Variants in NHSL2 observed in about 807,000 individuals in gnomAD.
NHSL2 encodes the protein NHS-like protein 2.
A neutral mutation model predicts 53.4 loss-of-function variants in NHSL2; 27 were observed. The observed-to-expected ratio is 0.51, with a 90% CI of 0.37 to 0.70. NHSL2 has a LOEUF of 0.70. Among genes scored for constraint, NHSL2 ranks in the 30% least tolerant of loss-of-function variants. The probability of loss-of-function intolerance (pLI) is 0.00; values close to 1 mark genes in which losing one functional copy is unlikely to be tolerated. For synonymous variants in NHSL2, 408 were observed against 404.1 expected, an observed-to-expected ratio of 1.01 and a Z score of -0.12; for missense variants, 892 against 980.1, an observed-to-expected ratio of 0.91 and a Z score of 1.20.
At chrX:72,056,796 G>A (rs780498696) in intron 1 of NHSL2, among the ~76,000 whole-genome samples, 2 of 112,863 alleles carry the variant, frequency 1.8e-5, no homozygotes, top group Admixed American at 9.3e-5. Flanking sequence ...CTCCAGCTGA[G>A]CCATCAGTGC....
rs1556312371 is a variant in NHSL2, at chrX:71,964,029, A to ATATATATATGTGTGTGTGTG, written c.280+52671_280+52672insGTGTGTGTGTGTATATATAT. Among the ~76,000 whole-genome samples the ATATATATATGTGTGTGTGTG allele has an allele frequency of 2.2e-3, 69 of 32,049 alleles. 2 individuals carry two copies. Among genetic ancestry groups the ATATATATATGTGTGTGTGTG allele is most frequent in the African/African-American group, 7.9e-3 (44 of 5,539 alleles). 27.8% of individuals were successfully genotyped at this position (32,049 alleles called of 115,157 possible). A position where few individuals can be genotyped will look rare whatever the true frequency, so the allele number is the denominator to read the frequency against. ...TATATATGTATATATATATATGTGT[A>ATATATATATGTGTGTGTGTG]TATATATATATATGTATATATATAT... On this transcript the variant is annotated intron_variant, in intron 1 of 7. Transcript: ENST00000633930.
chrX:72,086,996 G>A (rs772100600), intron 1 of NHSL2, among the ~76,000 whole-genome samples: 1 of 111,991 alleles, frequency 8.9e-6, no homozygotes. Context: ...GCACTGGGCT[G>A]TGAGAGGGCC....
In NHSL2 at chrX:72,143,294, C is replaced by T. The variant is rs1386597675; in HGVS notation, c.3398C>T (p.Ala1133Val). The stretch of plus-strand genomic sequence containing the variant: ...CTCGGCTGGAAGGAACCTGGTGAGG[C>T]CTTTGTGGGTGGCAGAACGAGTTCC... Reference protein sequence around the residue: ...KLLGWKEPGEAFVGGRTSSHS... With the variant: ...KLLGWKEPGEVFVGGRTSSHS... Residue 1133 changes from alanine to valine, a missense_variant, in exon 8 of 8, where the codon GCC becomes GTC. Ala to Val is a moderately conservative substitution (Grantham distance 64). Coordinates refer to ENST00000633930, the MANE Select transcript of NHSL2 (RefSeq NM_001013627.3). 4 of 1,163,737 alleles carry T rather than the reference C, an allele frequency of 3.4e-6. No individual in the cohort carries two copies. Among genetic ancestry groups the T allele is most frequent in the Non-Finnish European group, 4.6e-6 (4 of 871,414 alleles).
At chrX:72,131,418 G>C (rs1402016799) in intron 1 of NHSL2, 5 of 1,209,261 alleles carry the variant, frequency 4.1e-6, no homozygotes, top group Non-Finnish European at 5.6e-6. Flanking sequence ...AATTAACCTC[G>C]GCCAGGGCTC....
chrX:72,140,662 C>G lies in NHSL2; in HGVS notation c.3114C>G (p.Thr1038=). The G allele has an allele frequency of 8.3e-7, 1 of 1,211,613 alleles. No homozygotes were observed. The highest frequency in any genetic ancestry group is 1.1e-6 in the Non-Finnish European group (1 of 894,979). The part of the protein sequence containing the change: ...EPRLPLSPII[T]LEEDTKCPAT... Reference sequence around the variant, plus strand: ...GGCTGCCTCTCAGCCCCATCATCACCCTGGAGGAAGACACCAAGTGTCCCG... The same window carrying G: ...GGCTGCCTCTCAGCCCCATCATCACGCTGGAGGAAGACACCAAGTGTCCCG... Residue 1038 remains threonine, a synonymous_variant, in exon 6 of 8, where the codon ACC becomes ACG. Transcript: ENST00000633930.
chrX:72,077,643 C>T (rs907458015), intron 1 of NHSL2, among the ~76,000 whole-genome samples: 1 of 112,393 alleles, frequency 8.9e-6, no homozygotes, highest in African/African-American at 3.2e-5. Flanking sequence ...TGGAGTCTTC[C>T]CATCTCAAAT....
chrX:72,069,663 C>T (rs1022178245), intron 1 of NHSL2: 1 of 937,680 alleles, frequency 1.1e-6, no homozygotes, highest in Non-Finnish European at 1.3e-6. Context: ...GCGGCCGCCG[C>T]GGTGGCTGCC....
At position 72,123,863 on chromosome X, in the gene NHSL2, G is replaced by A. The variant is rs761961421; in HGVS notation, c.281-8216G>A. Among the ~76,000 whole-genome samples the A allele has an allele frequency of 1.5e-4, 16 of 110,186 alleles. 1 individual carries two copies. The highest frequency in any genetic ancestry group is 2.9e-4 in the Non-Finnish European group (15 of 52,560). On this transcript the variant is annotated intron_variant, in intron 1 of 7. Coordinates refer to ENST00000633930, the MANE Select transcript of NHSL2 (RefSeq NM_001013627.3). The stretch of plus-strand genomic sequence containing the variant: ...CATCAGGAGAGTTGCTGAGGCGAGG[G>A]GCCCCGCTCTACCCCATGTGTGGCA...
At chrX:71,952,580 T>C (rs1452518258) in intron 1 of NHSL2, among the ~76,000 whole-genome samples, 3 of 111,132 alleles carry the variant, frequency 2.7e-5, no homozygotes, top group Non-Finnish European at 5.7e-5. Context: ...CAGGCTCCCT[T>C]CCCTCAAGCT....
At chrX:72,090,040 G>A (rs1437494028) in intron 1 of NHSL2, among the ~76,000 whole-genome samples, 5 of 110,687 alleles carry the variant, frequency 4.5e-5, no homozygotes, top group Non-Finnish European at 3.8e-5. Context: ...TGTTTTTGTC[G>A]TTGTTGCTGT....
chrX:72,079,899 C>T (rs1470311712), intron 1 of NHSL2: 1 of 112,942 alleles, frequency 8.9e-6, no homozygotes, highest in Non-Finnish European at 1.9e-5. Context: ...ACTTCCCTCG[C>T]CTGTCCGCTG....
chrX:72,088,306 C>T (rs369058265), intron 1 of NHSL2, among the ~76,000 whole-genome samples: 3 of 112,165 alleles, frequency 2.7e-5, no homozygotes, highest in South Asian at 3.7e-4. Flanking sequence ...CCTTTTCTAC[C>T]GGACAGAATT....
intron 1 of NHSL2, chrX:72,127,630 GCCTCGAAGAATAGCAGGTCC>G (rs374321758): frequency 1.2e-4 from 12 of 103,702 alleles, no homozygotes; most frequent in African/African-American, 4.1e-4. Flanking sequence ...AGGGTCCACT[GCCTCGAAGAATAGCAGGTCC>G]CCTCGAAGAA....
intron 1 of NHSL2, among the ~76,000 whole-genome samples, chrX:72,031,736 G>GAAAAAAAAAAAAAAAAA (rs767564712): frequency 1.9e-5 from 1 of 53,154 alleles, no homozygotes; most frequent in African/African-American, 6.9e-5. Context: ...ACCTCGCTTG[G>GAAAAAAAAAAAAAAAAA]AAAAAAAAAA....
intron 1 of NHSL2, among the ~76,000 whole-genome samples, chrX:71,998,569 C>T (rs970037941): frequency 5.4e-5 from 6 of 111,417 alleles, no homozygotes; most frequent in South Asian, 3.8e-4. Context: ...GGGATCTTTA[C>T]GTGGAGGTTT....
chrX:72,100,814 A>C (rs1321045387), intron 1 of NHSL2, among the ~76,000 whole-genome samples: 1 of 112,106 alleles, frequency 8.9e-6, no homozygotes, highest in African/African-American at 3.2e-5. Flanking sequence ...TAGTGCCAAA[A>C]AGGTTGGGGA....
At chrX:71,941,695 A>G (rs2041766552) in intron 1 of NHSL2, among the ~76,000 whole-genome samples, 1 of 112,437 alleles carries the variant, frequency 8.9e-6, no homozygotes. Flanking sequence ...TATTATGATT[A>G]TTTTACTATG....
intron 1 of NHSL2, chrX:72,130,248 G>A: frequency 8.3e-7 from 1 of 1,208,469 alleles, no homozygotes; most frequent in Non-Finnish European, 1.1e-6. Context: ...CTGGTTTCTG[G>A]CCCCCATCCT....
chrX:72,022,543 CAG>C (rs1170841409), intron 1 of NHSL2, among the ~76,000 whole-genome samples: 9 of 110,981 alleles, frequency 8.1e-5, no homozygotes, highest in Admixed American at 6.7e-4. Context: ...TGGCAGAGAA[CAG>C]AGAGAGGAAG....
Sources: allele counts gnomAD v4.1 joint callset (sites outside exome capture counted in the v4.1 genomes callset), GRCh38; gene constraint gnomAD v4.1.1; transcripts MANE v1.5; gene names NCBI Gene and HGNC (gene_info 2026-07-23, HGNC 2026-07-21).